GREP1: variants seen among roughly 807,000 people sequenced by gnomAD.
GREP1 encodes the protein glycine-rich extracellular protein 1.
chr16:2,998,574 G>A (rs1426831941), intron 25 of GREP1, 51 bp downstream of exon 23: 1 of 399,090 alleles, frequency 2.5e-6, no homozygotes, highest in Non-Finnish European at 4.4e-6. Flanking sequence ...GGAGAGGGAG[G>A]CTGCTGGAAG....
chr16:2,997,010 C>T (rs1213284959), exon 21 of GREP1: 5 of 399,044 alleles, frequency 1.3e-5, no homozygotes, highest in Non-Finnish European at 2.2e-5. Flanking sequence ...AGGTCCAGAG[C>T]GGAGGCCTTG....
Position 2,989,269 on chromosome 16 carries a change from A to T in GREP1, c.101-254A>T, listed in dbSNP as rs563988608. On this transcript the variant is annotated intron_variant, in intron 2 of 34. Transcript: ENST00000573315. The surrounding 1 kb of genome is among the most constrained non-coding windows in gnomAD (Gnocchi z 4.2). The stretch of plus-strand genomic sequence containing the variant: ...CTCTAGCCTCCACTGCCCTAGCCCC[A>T]GACTGCTCACCTCCTCTGCCCTCTA... 112 of 387,020 alleles carry T rather than the reference A, an allele frequency of 2.9e-4. No homozygotes were observed. In the South Asian group the frequency reaches 0.015, roughly 51 times the overall value. 24.0% of individuals were successfully genotyped at this position (387,020 alleles called of 1,614,324 possible). A position where few individuals can be genotyped will look rare whatever the true frequency, so the allele number is the denominator to read the frequency against.
chr16:2,992,872 T>G lies in GREP1; in HGVS notation c.352+38T>G, dbSNP rs901290053. ...GGGACGGAAGCGGGGAGCCTGGGGC[T>G]GAGATTCTGGGCACAGGCCCAGAGG... On this transcript the variant is annotated intron_variant, in intron 9 of 34. Coordinates refer to ENST00000573315, the Ensembl canonical transcript of GREP1. The surrounding 1 kb of genome is among the most constrained non-coding windows in gnomAD (Gnocchi z 4.9). 1.3e-5 allele frequency: 5 copies of G among 399,030 alleles called. No individual in the cohort carries two copies. The highest frequency in any genetic ancestry group is 1.3e-5 in the Non-Finnish European group (3 of 226,066). 24.7% of individuals were successfully genotyped at this position (399,030 alleles called of 1,614,324 possible). A position where few individuals can be genotyped will look rare whatever the true frequency, so the allele number is the denominator to read the frequency against.
rs1056652309 is a variant in GREP1 at position 2,991,316 on chromosome 16, G to A, written c.322+215G>A. 22 of 388,612 alleles carry A rather than the reference G, an allele frequency of 5.7e-5. No individual in the cohort carries two copies. Among genetic ancestry groups the A allele is most frequent in the Admixed American group, 8.9e-5 (2 of 22,362 alleles). The allele number at this position is 388,612 out of a possible 1,614,324, so 24.1% of individuals were successfully genotyped here. On this transcript the variant is annotated intron_variant, in intron 8 of 34. Coordinates refer to ENST00000573315, the Ensembl canonical transcript of GREP1. This position sits in a 1 kb window ranked among gnomAD's most constrained non-coding sequence, Gnocchi z 4.9. ...CCGCCTTGCCCACTTATATCCAGGC[G>A]CCTCTGGGTCCCTCAAGCCTGCCCA... is the stretch of plus-strand genomic sequence containing the variant.
Position 2,992,722 on chromosome 16 carries a change from C to A in GREP1, c.323-83C>A. The A allele has an allele frequency of 5.0e-6, 2 of 398,858 alleles. No homozygotes were observed. The highest frequency in any genetic ancestry group is 7.1e-5 in the East Asian group (2 of 28,064). 24.7% of individuals were successfully genotyped at this position (398,858 alleles called of 1,614,324 possible). A position where few individuals can be genotyped will look rare whatever the true frequency, so the allele number is the denominator to read the frequency against. Reference sequence around the variant, plus strand: ...GGCAGAGGGCAGGGGTCACGCGAGACAGAAAGGGAGAGGGCAGGGCTCCAG... The same window carrying A: ...GGCAGAGGGCAGGGGTCACGCGAGAAAGAAAGGGAGAGGGCAGGGCTCCAG... On this transcript the variant is annotated intron_variant, in intron 8 of 34. Coordinates refer to ENST00000573315, the Ensembl canonical transcript of GREP1. The surrounding 1 kb of genome is among the most constrained non-coding windows in gnomAD (Gnocchi z 4.9).
chr16:2,994,509 C>G (rs564695469), intron 10 of GREP1, 189 bp from the exon 12 acceptor site: 2 of 392,348 alleles, frequency 5.1e-6, no homozygotes, highest in Admixed American at 4.5e-5. Context: ...GACTCCATCT[C>G]AAGAAAATAA....
chr16:2,995,682 G>T, intron 16 of GREP1, 28 bp downstream of exon 16: 1 of 398,696 alleles, frequency 2.5e-6, no homozygotes, highest in South Asian at 1.3e-4. Flanking sequence ...GAGGGGCTGG[G>T]GGAGAATGTG....
chr16:2,994,881 G>C (rs113866643), intron 12 of GREP1, 43 bp downstream of exon 13: 4,713 of 399,112 alleles, frequency 0.012, 206 homozygotes, highest in African/African-American at 0.088. Context: ...CCCAAAACCT[G>C]AGCTCCCTCC....
chr16:2,998,993 G>T lies in GREP1; in HGVS notation c.1144+14G>T, dbSNP rs748296375. 4 of 399,004 alleles carry T rather than the reference G, an allele frequency of 1.0e-5. No homozygotes were observed. Among genetic ancestry groups the T allele is most frequent in the African/African-American group, 6.2e-5 (3 of 48,634 alleles). The allele number at this position is 399,004 out of a possible 1,614,324, so 24.7% of individuals were successfully genotyped here. On this transcript the variant is annotated intron_variant, in intron 26 of 34. Transcript: ENST00000573315. ...GCAAGTTACCAGGTCAGTGTGGAGT[G>T]GGGGTGCCTAGGGGGCACTGGGAAG...
At chr16:2,999,435 C>T (rs1785032872) in intron 27 of GREP1, 1 of 376,436 alleles carries the variant, frequency 2.7e-6, no homozygotes, top group Non-Finnish European at 4.7e-6. Flanking sequence ...GCTATTCAGG[C>T]ACCCGAAGGC....
rs1267297162 is a variant in GREP1 at position 2,992,460 on chromosome 16, G to T, written c.323-345G>T. 1 of 195,646 alleles carries T rather than the reference G, an allele frequency of 5.1e-6. No homozygotes were observed. Among genetic ancestry groups the T allele is most frequent in the African/African-American group, 2.3e-5 (1 of 43,132 alleles). 12.1% of individuals were successfully genotyped at this position (195,646 alleles called of 1,614,324 possible). ...CCAGGTCGGGGCCGAAGGGGCTGGG[G>T]TGGCTGGGGGAGAGGTCAGGGGCCC... On this transcript the variant is annotated intron_variant, in intron 8 of 34. Transcript: ENST00000573315. This position sits in a 1 kb window ranked among gnomAD's most constrained non-coding sequence, Gnocchi z 4.9.
chr16:3,000,665 T>C, intron 32 of GREP1, 49 bp from the exon 27 acceptor site: 1 of 398,510 alleles, frequency 2.5e-6, no homozygotes, highest in Middle Eastern at 6.3e-4. Context: ...GGGCCAGGGG[T>C]CCCAGCTCCT....
At chr16:3,001,863 C>T (rs888952989) in exon 35 of GREP1, 13 of 378,404 alleles carry the variant, frequency 3.4e-5, no homozygotes, top group African/African-American at 6.2e-5. Context: ...AAAACAGACT[C>T]GATCAACGCC....
chr16:2,999,700 C>A (rs1238179412), intron 27 of GREP1, among the ~76,000 whole-genome samples: 1 of 152,188 alleles, frequency 6.6e-6, no homozygotes, highest in African/African-American at 2.4e-5. Context: ...GATCAGCCCA[C>A]CTCAGCCTCC....
exon 24 of GREP1, chr16:2,998,384 G>A (rs1247216596): frequency 5.0e-6 from 2 of 399,260 alleles, no homozygotes; most frequent in Non-Finnish European, 8.8e-6. Flanking sequence ...AGCCTCAGAA[G>A]TCAGGTGAGT....
At chr16:2,994,873 C>T (rs761556493) in intron 12 of GREP1, 35 bp downstream of exon 13, 4 of 399,124 alleles carry the variant, frequency 1.0e-5, no homozygotes, top group African/African-American at 2.1e-5. Flanking sequence ...TCTGCCTCCC[C>T]AAAACCTGAG....
In GREP1 at chr16:2,996,544, G is replaced by A; in HGVS notation, c.712+13G>A. On this transcript the variant is annotated intron_variant, in intron 19 of 34. Transcript: ENST00000573315. ...GGAGTCCAGCCAGGTGAGGGCAGCT[G>A]GGCCTGGCTCGCGAGGGGTCGGGAG... The A allele has an allele frequency of 2.5e-6, 1 of 399,328 alleles. No individual in the cohort carries two copies. The allele number at this position is 399,328 out of a possible 1,614,324, so 24.7% of individuals were successfully genotyped here.
chr16:2,988,552 G>C, intron 1 of GREP1, 38 bp from the exon 2 acceptor site: 1 of 399,208 alleles, frequency 2.5e-6, no homozygotes, highest in Non-Finnish European at 4.4e-6. Flanking sequence ...AGCCTCTGGG[G>C]TCCCCAGCCT....
chr16:3,001,362 G>A (rs1000023128), intron 34 of GREP1, 28 bp downstream of exon 28: 14 of 399,026 alleles, frequency 3.5e-5, no homozygotes, highest in Admixed American at 2.2e-4. Context: ...TGGCCGAGCC[G>A]CCTGCCCAAA....
Sources: gnomAD v4.1 joint callset for allele counts (sites outside exome capture counted in the v4.1 genomes callset) on GRCh38, gnomAD v4.1.1 for gene constraint, Gnocchi (gnomAD v3.1) non-coding constraint, MANE v1.5 for transcripts, NCBI Gene and HGNC (gene_info 2026-07-23, HGNC 2026-07-21) for gene names.